Variants in ERFL observed in about 807,000 individuals in gnomAD.
ERFL encodes ETS domain-containing transcription factor ERF-like.
A neutral mutation model predicts 27.9 loss-of-function variants in ERFL; 8 were observed. The ratio of observed to expected loss-of-function variants is 0.29; its 90% CI spans 0.17 to 0.52. ERFL has a LOEUF of 0.52. Ranked by LOEUF, ERFL falls within the 20% of genes least tolerant of loss-of-function variation. ERFL has a pLI of 0.97. For synonymous variants in ERFL, 174 were observed against 202.8 expected (o/e 0.86, Z 1.21); for missense variants, 294 against 444.4 (o/e 0.66, Z 3.04).
At position 41,910,716 on chromosome 19, in the gene ERFL, G is replaced by A. The variant is rs1350070788; in HGVS notation, c.68-619C>T. ...TGTCCGTCCAAGAGCAGTCCAGAAC[G>A]ATGTGTGTGTGTGCGTGGACACACA... On this transcript the variant is annotated intron_variant, in intron 2 of 5. Coordinates refer to ENST00000597630, the MANE Select transcript of ERFL (RefSeq NM_001365103.2). This position sits in a 1 kb window ranked among gnomAD's most constrained non-coding sequence, Gnocchi z 4.4. Among the ~76,000 whole-genome samples the A allele has an allele frequency of 6.6e-6, 1 of 152,084 alleles. No individual in the cohort carries two copies. The highest frequency in any genetic ancestry group is 1.5e-5 in the Non-Finnish European group (1 of 68,016).
rs1439607537 is a variant in ERFL at position 41,907,706 on chromosome 19, T to A, written c.*522A>T. The A allele has an allele frequency of 3.7e-5, 11 of 299,194 alleles. No homozygotes were observed. Among genetic ancestry groups the A allele is most frequent in the Admixed American group, 3.4e-4 (7 of 20,768 alleles). The allele number at this position is 299,194 out of a possible 1,614,324, so 18.5% of individuals were successfully genotyped here. The stretch of plus-strand genomic sequence containing the variant: ...TGCTCAGCACTGGGCACCCCGAGTC[T>A]CACTCTCTGTTCTTTTATTTCTGTA... On this transcript the variant is annotated 3_prime_UTR_variant, in exon 6 of 6. Transcript: ENST00000597630.
Position 41,909,313 on chromosome 19 carries a change from C to T in ERFL, c.461G>A (p.Gly154Glu). 1 of 1,234,926 alleles carries T rather than the reference C, an allele frequency of 8.1e-7. No individual in the cohort carries two copies. The highest frequency in any genetic ancestry group is 1.0e-6 in the Non-Finnish European group (1 of 989,246). 76.5% of individuals were successfully genotyped at this position (1,234,926 alleles called of 1,614,324 possible). A position where few individuals can be genotyped will look rare whatever the true frequency, so the allele number is the denominator to read the frequency against. Residue 154 changes from glycine (G) to glutamate (E), a missense_variant, in exon 4 of 6, where the codon GGG (glycine) becomes GAG (glutamate). Physicochemically the swap from Gly to Glu is moderately conservative, Grantham distance 98 (BLOSUM62 -2). This residue lies in a region of ERFL where 246 missense variants were observed against 371.4 expected (regional missense o/e 0.66). Transcript: ENST00000597630. The surrounding 1 kb of genome is among the most constrained non-coding windows in gnomAD (Gnocchi z 5.2). The part of the protein sequence containing the change: ...PLLLTPSPFG[G>E]APGPDAPPLT... ...GGGAGGAGCATCTGGCCCTGGGGCC[C>T]CCCCAAAGGGACTGGGGGTCAGCAA...
chr19:41,909,122 G>C lies in ERFL; in HGVS notation c.554C>G (p.Pro185Arg). Residue 185 changes from proline (P) to arginine (R), a missense_variant, in exon 5 of 6, where the codon CCC (proline) becomes CGC (arginine). By Grantham distance (103) the Pro-to-Arg change is moderately radical (BLOSUM62 -2). This residue lies in a region of ERFL where 246 missense variants were observed against 371.4 expected (regional missense o/e 0.66). Coordinates refer to ENST00000597630, the MANE Select transcript of ERFL (RefSeq NM_001365103.2). This position sits in a 1 kb window ranked among gnomAD's most constrained non-coding sequence, Gnocchi z 5.2. Reference sequence around the variant, plus strand: ...TTTATCTGTCTCGGAGGTGAACAGGGGTGTCCGGGCCCCTGGCTCTCCCAG... The same window carrying C: ...TTTATCTGTCTCGGAGGTGAACAGGCGTGTCCGGGCCCCTGGCTCTCCCAG... Reference protein sequence around the residue: ...PRLGEPGARTPLFTSETDKLR... With the variant: ...PRLGEPGARTRLFTSETDKLR... The C allele has an allele frequency of 8.1e-7, 1 of 1,231,956 alleles. No individual in the cohort carries two copies. The highest frequency in any genetic ancestry group is 1.0e-6 in the Non-Finnish European group (1 of 988,200). The allele number at this position is 1,231,956 out of a possible 1,614,324, so 76.3% of individuals were successfully genotyped here.
rs566376268 is a variant in ERFL at position 41,915,238 on chromosome 19, C to G, written c.-13-2306G>C. On this transcript the variant is annotated intron_variant, in intron 1 of 5. Coordinates refer to ENST00000597630, the MANE Select transcript of ERFL (RefSeq NM_001365103.2). ...CTCCGGACACGTTATAACGAGGAGC[C>G]GTGGGATCGGCGCTCCGGGCCCTGC... 2.7e-5 allele frequency among the ~76,000 whole-genome samples: 4 copies of G among 149,652 alleles called. No homozygotes were observed. In the South Asian group the frequency reaches 8.7e-4, roughly 32 times the overall value.
chr19:41,924,670 C>T (rs932110673), intron 1 of ERFL, among the ~76,000 whole-genome samples: 6 of 152,078 alleles, frequency 3.9e-5, no homozygotes, highest in African/African-American at 1.4e-4. Flanking sequence ...AGTCAGATAA[C>T]CTCGGACTTA....
In ERFL at chr19:41,917,441, ACCC is replaced by A. The variant is rs1555852035; in HGVS notation, c.-13-4512_-13-4510del. Among the ~76,000 whole-genome samples, 9 of 148,416 alleles carry A rather than the reference ACCC, an allele frequency of 6.1e-5. No homozygotes were observed. The highest frequency in any genetic ancestry group is 1.3e-4 in the Non-Finnish European group (9 of 67,102). ...CCTCGGGAGCCGCCTCGGGCCTCGCACCCCCACCACCAGCCCCTTCATCCCTCA... is the reference window on the plus strand; with the variant it reads ...CCTCGGGAGCCGCCTCGGGCCTCGCACCACCACCAGCCCCTTCATCCCTCA... On this transcript the variant is annotated intron_variant, in intron 1 of 5. Coordinates refer to ENST00000597630, the MANE Select transcript of ERFL (RefSeq NM_001365103.2). This position sits in a 1 kb window ranked among gnomAD's most constrained non-coding sequence, Gnocchi z 4.8.
chr19:41,908,033 C>T lies in ERFL; in HGVS notation c.*195G>A. 1 of 438,614 alleles carries T rather than the reference C, an allele frequency of 2.3e-6. No individual in the cohort carries two copies. The highest frequency in any genetic ancestry group is 3.8e-6 in the Non-Finnish European group (1 of 263,662). The allele number at this position is 438,614 out of a possible 1,614,324, so 27.2% of individuals were successfully genotyped here. ...GCCTGGGGAGGAGGCCGGAGGCCAT[C>T]ACATTCCCTCTGTCCTCTGTGGAGG... On this transcript the variant is annotated 3_prime_UTR_variant, in exon 6 of 6. Coordinates refer to ENST00000597630, the MANE Select transcript of ERFL (RefSeq NM_001365103.2). The surrounding 1 kb of genome is among the most constrained non-coding windows in gnomAD (Gnocchi z 6.7).
intron 1 of ERFL, among the ~76,000 whole-genome samples, chr19:41,920,667 C>T (rs1555852401): frequency 6.6e-6 from 1 of 152,276 alleles, no homozygotes; most frequent in Non-Finnish European, 1.5e-5. Flanking sequence ...ACACAGATCA[C>T]ATTCACAGAC....
intron 1 of ERFL, among the ~76,000 whole-genome samples, chr19:41,927,338 G>A (rs547236253): frequency 2.6e-5 from 4 of 152,160 alleles, no homozygotes; most frequent in Admixed American, 2.6e-4. Context: ...CCCAGAATTG[G>A]CCCAAATGTC....
Position 41,907,978 on chromosome 19 carries a change from G to A in ERFL, c.*250C>T. On this transcript the variant is annotated 3_prime_UTR_variant, in exon 6 of 6. Transcript: ENST00000597630. ...GGCGCCATATTGCACTTTGGGAGTG[G>A]GGCCAGGCGGGGACCCCCCTCAAAC... The A allele has an allele frequency of 2.6e-6, 1 of 391,216 alleles. No homozygotes were observed. Among genetic ancestry groups the A allele is most frequent in the Non-Finnish European group, 4.5e-6 (1 of 222,472 alleles). The allele number at this position is 391,216 out of a possible 1,614,324, so 24.2% of individuals were successfully genotyped here.
At position 41,909,405 on chromosome 19, in the gene ERFL, G is replaced by A; in HGVS notation, c.369C>T (p.Phe123=). The A allele has an allele frequency of 8.1e-7, 1 of 1,237,676 alleles. No homozygotes were observed. The highest frequency in any genetic ancestry group is 1.0e-6 in the Non-Finnish European group (1 of 990,520). The allele number at this position is 1,237,676 out of a possible 1,614,324, so 76.7% of individuals were successfully genotyped here. A position where few individuals can be genotyped will look rare whatever the true frequency, so the allele number is the denominator to read the frequency against. ...KGKRFTYKFN[F]SKVVLVNYPL... ...GGTAATTGACAAGCACGACTTTGCT[G>A]AAGTTGAACTTGTAGGTGAACCTCT... Residue 123 remains phenylalanine, a synonymous_variant, in exon 4 of 6, where the codon TTC becomes TTT. Transcript: ENST00000597630. This position sits in a 1 kb window ranked among gnomAD's most constrained non-coding sequence, Gnocchi z 5.2.
At chr19:41,918,263 CCCCACCACACACATA>C (rs1199077276) in intron 1 of ERFL, among the ~76,000 whole-genome samples, 1 of 151,600 alleles carries the variant, frequency 6.6e-6, no homozygotes, top group East Asian at 1.9e-4. Context: ...ACATACACAC[CCCCACCACACACATA>C]CCCACCACAT....
chr19:41,908,499 G>A lies in ERFL; in HGVS notation c.794C>T (p.Ser265Leu), dbSNP rs555712600. Reference sequence around the variant, plus strand: ...TGTGGGGCCTCCCCCTGCCCCTGACGAGGGCAGGTGGCCCAGGGAACTGGC... The same window carrying A: ...TGTGGGGCCTCCCCCTGCCCCTGACAAGGGCAGGTGGCCCAGGGAACTGGC... ...PLASSLGHLPSSGAGGGPTAT... is the reference protein window; with the variant it reads ...PLASSLGHLPLSGAGGGPTAT... The change falls in exon 6 of 6, where the codon TCG (serine) becomes TTG (leucine). Residue 265 changes from serine to leucine, a missense_variant. Transcript: ENST00000597630. This position sits in a 1 kb window ranked among gnomAD's most constrained non-coding sequence, Gnocchi z 6.7. The A allele has an allele frequency of 4.0e-3, 4,948 of 1,231,662 alleles. 14 individuals carry two copies. The highest frequency in any genetic ancestry group is 4.7e-3 in the Non-Finnish European group (4,687 of 987,938). The allele number at this position is 1,231,662 out of a possible 1,614,324, so 76.3% of individuals were successfully genotyped here.
chr19:41,909,216 T>C lies in ERFL; in HGVS notation c.499-39A>G. On this transcript the variant is annotated intron_variant, in intron 4 of 5. Coordinates refer to ENST00000597630, the MANE Select transcript of ERFL (RefSeq NM_001365103.2). This position sits in a 1 kb window ranked among gnomAD's most constrained non-coding sequence, Gnocchi z 5.2. ...GGGAGAAGCCGCCCTTCTCAGACTG[T>C]CCCCTCCCCAGAGTGGGCACCAAGT... is the stretch of plus-strand genomic sequence containing the variant. The C allele has an allele frequency of 8.1e-7, 1 of 1,230,218 alleles. No individual in the cohort carries two copies. Among genetic ancestry groups the C allele is most frequent in the Non-Finnish European group, 1.0e-6 (1 of 986,944 alleles). 76.2% of individuals were successfully genotyped at this position (1,230,218 alleles called of 1,614,324 possible). A position where few individuals can be genotyped will look rare whatever the true frequency, so the allele number is the denominator to read the frequency against.
rs941530687 is a variant in ERFL, at chr19:41,908,912, C to T, written c.616+148G>A. The stretch of plus-strand genomic sequence containing the variant: ...TCATTTCCCCTCCCTCACATCACAT[C>T]CTTTTCTGGGTTTTACACACACACA... On this transcript the variant is annotated intron_variant, in intron 5 of 5. Coordinates refer to ENST00000597630, the MANE Select transcript of ERFL (RefSeq NM_001365103.2). The surrounding 1 kb of genome is among the most constrained non-coding windows in gnomAD (Gnocchi z 6.7). The T allele has an allele frequency of 1.4e-5, 7 of 501,632 alleles. No individual in the cohort carries two copies. The highest frequency in any genetic ancestry group is 2.2e-5 in the Non-Finnish European group (7 of 321,654). The allele number at this position is 501,632 out of a possible 1,614,324, so 31.1% of individuals were successfully genotyped here.
intron 2 of ERFL, among the ~76,000 whole-genome samples, chr19:41,911,226 C>G (rs1297225409): frequency 6.6e-6 from 1 of 152,160 alleles, no homozygotes; most frequent in African/African-American, 2.4e-5. Context: ...GCTGGGCACC[C>G]CGAAATCTCA....
Position 41,909,039 on chromosome 19 carries a change from C to A in ERFL, c.616+21G>T. 8.2e-7 allele frequency: 1 copy of A among 1,215,852 alleles called. No homozygotes were observed. The highest frequency in any genetic ancestry group is 4.2e-5 in the South Asian group (1 of 23,936). 75.3% of individuals were successfully genotyped at this position (1,215,852 alleles called of 1,614,324 possible). A position where few individuals can be genotyped will look rare whatever the true frequency, so the allele number is the denominator to read the frequency against. ...CTTCTCCCACTGTGCCCCCAGCACC[C>A]CAGAACCTCCAGGCTCTTACCAGAG... On this transcript the variant is annotated intron_variant, in intron 5 of 5. Coordinates refer to ENST00000597630, the MANE Select transcript of ERFL (RefSeq NM_001365103.2). This position sits in a 1 kb window ranked among gnomAD's most constrained non-coding sequence, Gnocchi z 5.2.
chr19:41,921,533 G>A lies in ERFL; in HGVS notation c.-14+6507C>T, dbSNP rs1034228005. 1.4e-5 allele frequency among the ~76,000 whole-genome samples: 2 copies of A among 147,986 alleles called. No individual in the cohort carries two copies. Among genetic ancestry groups the A allele is most frequent in the Non-Finnish European group, 2.9e-5 (2 of 67,992 alleles). The stretch of plus-strand genomic sequence containing the variant: ...GAGAGACAGGCAGGGGGAGATCCGA[G>A]GTGGGGAAACACGGCAGAAGGAGCG... On this transcript the variant is annotated intron_variant, in intron 1 of 5. Coordinates refer to ENST00000597630, the MANE Select transcript of ERFL (RefSeq NM_001365103.2). This position sits in a 1 kb window ranked among gnomAD's most constrained non-coding sequence, Gnocchi z 4.4.
Position 41,908,567 on chromosome 19 carries a change from C to T in ERFL, c.726G>A (p.Leu242=). 3 of 1,231,650 alleles carry T rather than the reference C, an allele frequency of 2.4e-6. No individual in the cohort carries two copies. The highest frequency in any genetic ancestry group is 3.0e-6 in the Non-Finnish European group (3 of 988,028). The allele number at this position is 1,231,650 out of a possible 1,614,324, so 76.3% of individuals were successfully genotyped here. A position where few individuals can be genotyped will look rare whatever the true frequency, so the allele number is the denominator to read the frequency against. The part of the protein sequence containing the change: ...NPYLTGPFPK[L]PPSLYPPHFY... The stretch of plus-strand genomic sequence containing the variant: ...AATGCGGGGGGTAGAGAGAGGGAGG[C>T]AGCTTGGGGAAGGGGCCCGTGAGGT... The change falls in exon 6 of 6, where the codon CTG becomes CTA. Residue 242 remains leucine (L), a synonymous_variant. Transcript: ENST00000597630. This position sits in a 1 kb window ranked among gnomAD's most constrained non-coding sequence, Gnocchi z 6.7.
Sources: allele counts gnomAD v4.1 joint callset (sites outside exome capture counted in the v4.1 genomes callset), GRCh38; gene constraint gnomAD v4.1.1; regional missense constraint gnomAD v4.1.1; non-coding constraint Gnocchi (gnomAD v3.1); transcripts MANE v1.5; gene names NCBI Gene and HGNC (gene_info 2026-07-23, HGNC 2026-07-21).